Variants in CSMD3 observed in about 807,000 individuals in gnomAD.
CSMD3 encodes CUB and Sushi multiple domains 3, also known as CUB and sushi domain-containing protein 3.
In CSMD3, 177 loss-of-function variants were observed where a neutral mutation model predicts 435.2. That is an observed-to-expected ratio of 0.41 (90% CI 0.36 to 0.46). CSMD3 has a LOEUF of 0.46. CSMD3 is among the 20% of genes least tolerant of loss of function. The pLI is 0.34. For missense variants in CSMD3, 4,265 were observed against 4,504.6 expected (o/e 0.95, Z 1.52); for synonymous variants, 1,656 against 1,520.5 (o/e 1.09, Z -2.07).
chr8:113,210,335 A>C (rs994527600), intron 3 of CSMD3, among the ~76,000 whole-genome samples: 5 of 152,096 alleles, frequency 3.3e-5, no homozygotes, highest in African/African-American at 1.2e-4. Context: ...TGCTTCAATC[A>C]GAAGATTTAG....
rs1344704864 is a variant in CSMD3, at chr8:112,263,669, T to C, written c.9832A>G (p.Thr3278Ala). Reference sequence around the variant, plus strand: ...CACTGCGGTACTTCACCACTCCAGGTACCATTCCCTACACAGGTCAAAACA... The same window carrying C: ...CACTGCGGTACTTCACCACTCCAGGCACCATTCCCTACACAGGTCAAAACA... Reference protein sequence around the residue: ...PAVLTCVGNGTWSGEVPQCLP... With the variant: ...PAVLTCVGNGAWSGEVPQCLP... The change falls in exon 61 of 71, where the codon ACC becomes GCC. Residue 3278 changes from threonine to alanine, a missense_variant. Coordinates refer to ENST00000297405, the MANE Select transcript of CSMD3 (RefSeq NM_198123.2). 6.2e-7 allele frequency: 1 copy of C among 1,613,660 alleles called. No homozygotes were observed. Among genetic ancestry groups the C allele is most frequent in the East Asian group, 2.2e-5 (1 of 44,834 alleles).
intron 12 of CSMD3, among the ~76,000 whole-genome samples, chr8:112,807,655 G>T (rs2079124553): frequency 6.6e-6 from 1 of 152,104 alleles, no homozygotes; most frequent in Admixed American, 6.5e-5. Context: ...TTTTTTAGAA[G>T]CTGTACAACT....
chr8:112,573,345 C>T (rs115536680), intron 24 of CSMD3, among the ~76,000 whole-genome samples, 156 bp downstream of exon 24: 3,625 of 152,068 alleles, frequency 0.024, 135 homozygotes, highest in African/African-American at 0.08. Context: ...TGTAACTTAC[C>T]GGGCTGTTGT....
At chr8:112,729,640 T>A (rs573473098) in intron 13 of CSMD3, among the ~76,000 whole-genome samples, 1 of 152,080 alleles carries the variant, frequency 6.6e-6, no homozygotes, top group Non-Finnish European at 1.5e-5. Flanking sequence ...AATGACATCA[T>A]GTGTCCACAA....
intron 5 of CSMD3, among the ~76,000 whole-genome samples, chr8:113,092,758 C>T (rs2090045852): frequency 6.6e-6 from 1 of 151,942 alleles, no homozygotes; most frequent in Non-Finnish European, 1.5e-5. Flanking sequence ...ATAAATGGAT[C>T]CTGAGTGTTT....
chr8:112,827,607 A>G (rs1318562404), intron 12 of CSMD3, among the ~76,000 whole-genome samples: 1 of 152,202 alleles, frequency 6.6e-6, no homozygotes, highest in African/African-American at 2.4e-5. Context: ...GTGAGGATTA[A>G]TCACCAAATT....
chr8:112,244,253 T>G (rs1353967427), intron 65 of CSMD3, 141 bp downstream of exon 65: 1 of 692,752 alleles, frequency 1.4e-6, no homozygotes, highest in Non-Finnish European at 2.6e-6. Flanking sequence ...GATCCAGAAG[T>G]GTTTACATTA....
At chr8:112,949,149 A>C (rs2083719039) in intron 8 of CSMD3, among the ~76,000 whole-genome samples, 1 of 152,018 alleles carries the variant, frequency 6.6e-6, no homozygotes. Flanking sequence ...TGAATATAGT[A>C]ATTTAATTCA....
intron 32 of CSMD3, among the ~76,000 whole-genome samples, chr8:112,410,636 A>ATATATGTATATATATATG (rs1391045115): frequency 5.0e-5 from 5 of 99,960 alleles, no homozygotes; most frequent in African/African-American, 1.0e-4. Context: ...GTGTATATAT[A>ATATATGTATATATATATG]TGTATATATA....
intron 4 of CSMD3, among the ~76,000 whole-genome samples, chr8:113,154,141 T>C (rs991842158): frequency 1.3e-5 from 2 of 152,050 alleles, no homozygotes; most frequent in African/African-American, 2.4e-5. Context: ...ACAAATTTTA[T>C]GTACAGAGAT....
At chr8:112,531,438 G>A (rs1196001749) in intron 27 of CSMD3, among the ~76,000 whole-genome samples, 2 of 152,122 alleles carry the variant, frequency 1.3e-5, no homozygotes, top group Non-Finnish European at 2.9e-5. Flanking sequence ...TGCAGGCTTT[G>A]GGTGCCAGTT....
In CSMD3 at chr8:113,314,605, C is replaced by A. The variant is rs2093895340; in HGVS notation, c.367G>T (p.Asp123Tyr). 1 of 1,607,814 alleles carries A rather than the reference C, an allele frequency of 6.2e-7. No homozygotes were observed. Among genetic ancestry groups the A allele is most frequent in the Admixed American group, 1.7e-5 (1 of 59,968 alleles). The change falls in exon 2 of 71, where the codon GAT becomes TAT. Residue 123 changes from aspartate (D) to tyrosine (Y), a missense_variant. Asp to Tyr is a radical substitution (Grantham distance 160). Coordinates refer to ENST00000297405, the MANE Select transcript of CSMD3 (RefSeq NM_198123.2). ...EEEYDYLSLY[D>Y]GHPHPTNFRT... Reference sequence around the variant, plus strand: ...AAGTTTGTAGGATGAGGATGTCCATCATATAATGATAAGTAGTCGTATTCT... The same window carrying A: ...AAGTTTGTAGGATGAGGATGTCCATAATATAATGATAAGTAGTCGTATTCT...
At chr8:112,504,957 G>A (rs1040713735) in intron 29 of CSMD3, among the ~76,000 whole-genome samples, 2 of 152,088 alleles carry the variant, frequency 1.3e-5, no homozygotes, top group African/African-American at 4.8e-5. Flanking sequence ...AAACTATTTT[G>A]GCAAGTTTTA....
At chr8:112,518,607 G>GGTGTGTGT (rs35981644) in intron 27 of CSMD3, among the ~76,000 whole-genome samples, 1 of 144,904 alleles carries the variant, frequency 6.9e-6, no homozygotes, top group South Asian at 2.2e-4. Flanking sequence ...TATAAAAAAT[G>GGTGTGTGT]GTGTGTGTGT....
chr8:112,986,607 A>T (rs542437239), intron 6 of CSMD3, among the ~76,000 whole-genome samples: 1 of 152,260 alleles, frequency 6.6e-6, no homozygotes, highest in East Asian at 1.9e-4. Flanking sequence ...TCATTATAAA[A>T]ATACATGTTC....
At chr8:112,891,811 A>C (rs896507045) in intron 10 of CSMD3, among the ~76,000 whole-genome samples, 6 of 151,558 alleles carry the variant, frequency 4.0e-5, no homozygotes, top group Non-Finnish European at 8.9e-5. Context: ...AGATTGTAGA[A>C]TAGGAAATTA....
intron 3 of CSMD3, among the ~76,000 whole-genome samples, chr8:113,218,479 AAAG>A (rs1306477909): frequency 6.6e-6 from 1 of 150,850 alleles, no homozygotes; most frequent in East Asian, 1.9e-4. Context: ...AAAAAAAAAA[AAAG>A]AATACTATGT....
chr8:112,724,842 C>T (rs2076931265), intron 13 of CSMD3, among the ~76,000 whole-genome samples: 1 of 151,992 alleles, frequency 6.6e-6, no homozygotes, highest in Non-Finnish European at 1.5e-5. Flanking sequence ...AAACCAGGAA[C>T]TGAAACCCTC....
At chr8:113,377,922 G>A (rs1349938971) in intron 1 of CSMD3, among the ~76,000 whole-genome samples, 4 of 152,112 alleles carry the variant, frequency 2.6e-5, no homozygotes, top group Non-Finnish European at 4.4e-5. Context: ...TGAAAATGGT[G>A]TGCTTGCTTT....
Sources: allele counts gnomAD v4.1 joint callset (sites outside exome capture counted in the v4.1 genomes callset), GRCh38; gene constraint gnomAD v4.1.1; transcripts MANE v1.5; gene names NCBI Gene and HGNC (gene_info 2026-07-23, HGNC 2026-07-21).